ZCCHC10: variants seen among roughly 807,000 people sequenced by gnomAD.
ZCCHC10 encodes the protein zinc finger CCHC-type containing 10.
A neutral mutation model predicts 19.5 loss-of-function variants in ZCCHC10; 16 were observed. The ratio of observed to expected loss-of-function variants is 0.82; its 90% CI spans 0.56 to 1.25. ZCCHC10 has a LOEUF of 1.25. ZCCHC10 is among the 50% of genes most tolerant of loss of function. The pLI is 0.00. For missense variants in ZCCHC10, 197 were observed against 201.0 expected (o/e 0.98, Z 0.12); for synonymous variants, 67 against 72.5 (o/e 0.92, Z 0.38).
intron 1 of ZCCHC10, among the ~76,000 whole-genome samples, chr5:133,025,448 G>C (rs1764614886): frequency 1.5e-5 from 2 of 137,904 alleles, no homozygotes; most frequent in South Asian, 4.9e-4. Context: ...AGCTTGCAGT[G>C]AGCCAAGATT....
chr5:133,019,736 C>G (rs186463233), intron 2 of ZCCHC10, among the ~76,000 whole-genome samples: 20 of 151,772 alleles, frequency 1.3e-4, no homozygotes, highest in African/African-American at 4.8e-4. Flanking sequence ...GGGTGGATCA[C>G]TTGAGGTCAG....
intron 2 of ZCCHC10, among the ~76,000 whole-genome samples, chr5:133,015,235 C>A (rs1763844562): frequency 6.6e-6 from 1 of 151,918 alleles, no homozygotes; most frequent in African/African-American, 2.4e-5. Context: ...CGCACCACCA[C>A]ACTCAGCTAA....
At chr5:133,013,630 G>A (rs1763721346) in intron 2 of ZCCHC10, among the ~76,000 whole-genome samples, 1 of 152,112 alleles carries the variant, frequency 6.6e-6, no homozygotes, top group Non-Finnish European at 1.5e-5. Flanking sequence ...GCTGAGGCAG[G>A]AGAATCGCTT....
At chr5:133,012,255 G>A (rs1381085138) in intron 2 of ZCCHC10, among the ~76,000 whole-genome samples, 3 of 151,652 alleles carry the variant, frequency 2.0e-5, no homozygotes, top group African/African-American at 7.3e-5. Context: ...ATCACCTGAG[G>A]CCAGGAGTTC....
chr5:133,010,672 T>C (rs769624163), intron 2 of ZCCHC10, among the ~76,000 whole-genome samples: 2 of 152,162 alleles, frequency 1.3e-5, no homozygotes, highest in Non-Finnish European at 2.9e-5. Context: ...GGTCTCCTTA[T>C]GTTGCCCAGG....
At chr5:133,002,750 C>A (rs1229353536) in intron 3 of ZCCHC10, among the ~76,000 whole-genome samples, 2 of 151,710 alleles carry the variant, frequency 1.3e-5, no homozygotes, top group Non-Finnish European at 2.9e-5. Flanking sequence ...GGTGGAGGCT[C>A]GTTCTGTCGC....
chr5:133,013,332 T>A (rs978808034), intron 2 of ZCCHC10, among the ~76,000 whole-genome samples: 2 of 148,026 alleles, frequency 1.4e-5, no homozygotes, highest in African/African-American at 5.0e-5. Flanking sequence ...TCATTAGTAA[T>A]CAAAGAAAAG....
chr5:133,017,942 G>A (rs1052988953), intron 2 of ZCCHC10, among the ~76,000 whole-genome samples: 2 of 151,906 alleles, frequency 1.3e-5, no homozygotes, highest in Non-Finnish European at 2.9e-5. Context: ...CCAGGAGTTC[G>A]AGACTAGCCT....
intron 2 of ZCCHC10, among the ~76,000 whole-genome samples, chr5:133,010,197 C>T (rs1457267929): frequency 6.6e-6 from 1 of 151,936 alleles, no homozygotes; most frequent in Non-Finnish European, 1.5e-5. Flanking sequence ...TACAGGCACA[C>T]ACCACCACGC....
Position 132,998,809 on chromosome 5 carries a change from C to T in ZCCHC10, c.353G>A (p.Ser118Asn), listed in dbSNP as rs146482629. 3 of 1,614,072 alleles carry T rather than the reference C, an allele frequency of 1.9e-6. No homozygotes were observed. The African/African-American group carries it at 4.0e-5, about 22-fold the overall frequency. ...CTCTGATGAAGAATCACTGGCAGAA[C>T]TGTCACTGCTACTGCTACTGGAACT... is the stretch of plus-strand genomic sequence containing the variant. ...VTSSSSSSSD[S>N]SASDSSSESE... is the part of the protein sequence containing the mutation. The change falls in exon 5 of 5, where the codon AGT becomes AAT. Residue 118 changes from serine to asparagine, a missense_variant. Ser to Asn is a conservative substitution (Grantham distance 46). Coordinates refer to ENST00000509437, the MANE Select transcript of ZCCHC10 (RefSeq NM_001300816.3).
chr5:133,022,857 G>T lies in ZCCHC10; in HGVS notation c.91C>A (p.Pro31Thr). ...PVKTFWILIQ[P>T]SIVISEANKQ... ...GAGGGATACCTAATAACGATGGATGGCTGAATCAGGATCCAAAAGGTCTTG... is the reference window on the plus strand; with the variant it reads ...GAGGGATACCTAATAACGATGGATGTCTGAATCAGGATCCAAAAGGTCTTG... The change falls in exon 2 of 5, where the codon CCA (proline) becomes ACA (threonine). Residue 31 changes from proline (P) to threonine (T), a missense_variant. Coordinates refer to ENST00000509437, the MANE Select transcript of ZCCHC10 (RefSeq NM_001300816.3). 1 of 612,862 alleles carries T rather than the reference G, an allele frequency of 1.6e-6. No individual in the cohort carries two copies. 38.0% of individuals were successfully genotyped at this position (612,862 alleles called of 1,614,324 possible).
intron 2 of ZCCHC10, chr5:133,019,066 C>A: frequency 2.2e-6 from 1 of 451,900 alleles, no homozygotes; most frequent in South Asian, 1.6e-5. Context: ...GTTATAAATA[C>A]GACATTCACA....
At chr5:133,003,311 C>A in intron 3 of ZCCHC10, 1 of 441,854 alleles carries the variant, frequency 2.3e-6, no homozygotes, top group South Asian at 1.8e-5. Context: ...AATACAAGTT[C>A]TACTCAGTGA....
intron 2 of ZCCHC10, among the ~76,000 whole-genome samples, chr5:133,008,854 A>G (rs1289057690): frequency 6.6e-6 from 1 of 152,074 alleles, no homozygotes; most frequent in South Asian, 2.1e-4. Flanking sequence ...TCTAAAAAAA[A>G]CTACAAAAAT....
At chr5:133,026,215 G>A (rs1286997641) in intron 1 of ZCCHC10, among the ~76,000 whole-genome samples, 1 of 152,216 alleles carries the variant, frequency 6.6e-6, no homozygotes, top group Admixed American at 6.5e-5. Context: ...ATAAATCACT[G>A]AGTGACCAAC....
intron 2 of ZCCHC10, among the ~76,000 whole-genome samples, chr5:133,015,084 T>G (rs890495627): frequency 2.7e-5 from 4 of 150,650 alleles, no homozygotes; most frequent in Admixed American, 2.0e-4. Context: ...GAGGTTTTTT[T>G]TTTTTTTTTT....
intron 1 of ZCCHC10, among the ~76,000 whole-genome samples, chr5:133,025,377 G>C (rs1764607682): frequency 6.6e-6 from 1 of 151,688 alleles, no homozygotes; most frequent in Admixed American, 6.6e-5. Flanking sequence ...GGTGGCGGGC[G>C]CCTGTAGTCC....
intron 3 of ZCCHC10, among the ~76,000 whole-genome samples, chr5:133,001,091 T>A (rs76467151): frequency 0.012 from 1,805 of 152,034 alleles, 37 homozygotes; most frequent in African/African-American, 0.041. Context: ...ATCAGGTTTT[T>A]AAATTACACA....
At chr5:133,000,290 A>G (rs1243060140) in intron 3 of ZCCHC10, 117 bp from the exon 4 acceptor site, 42 of 1,162,178 alleles carry the variant, frequency 3.6e-5, no homozygotes, top group Non-Finnish European at 8.6e-6. Flanking sequence ...CTGTGTTTTT[A>G]TCACATACAG....
Sources: allele counts gnomAD v4.1 joint callset (sites outside exome capture counted in the v4.1 genomes callset), GRCh38; gene constraint gnomAD v4.1.1; transcripts MANE v1.5; gene names NCBI Gene and HGNC (gene_info 2026-07-23, HGNC 2026-07-21).